NTPCR: variants seen among roughly 807,000 people sequenced by gnomAD.
NTPCR encodes the protein cancer-related nucleoside-triphosphatase.
A neutral mutation model predicts 19.5 loss-of-function variants in NTPCR; 15 were observed. The observed-to-expected ratio is 0.77, with a 90% CI of 0.51 to 1.18. The LOEUF is 1.18. NTPCR is among the 50% of genes most tolerant of loss of function. The probability of loss-of-function intolerance (pLI) is 0.00; values close to 1 mark genes in which losing one functional copy is unlikely to be tolerated. For missense variants in NTPCR, 206 were observed against 240.4 expected (o/e 0.86, Z 0.95); for synonymous variants, 90 against 95.8 (o/e 0.94, Z 0.36).
intron 1 of NTPCR, among the ~76,000 whole-genome samples, chr1:232,953,055 C>T (rs1170838111): frequency 6.6e-6 from 1 of 152,178 alleles, no homozygotes; most frequent in Non-Finnish European, 1.5e-5. Flanking sequence ...ATAACTGAGC[C>T]ACTTGCCCTG....
chr1:232,960,947 T>G (rs1668654825), intron 3 of NTPCR, among the ~76,000 whole-genome samples: 1 of 152,208 alleles, frequency 6.6e-6, no homozygotes, highest in Admixed American at 6.5e-5. Flanking sequence ...TTAGCCAATG[T>G]TAGCTTATTT....
At chr1:232,971,360 ATT>A (rs1272074488) in intron 4 of NTPCR, among the ~76,000 whole-genome samples, 1 of 152,138 alleles carries the variant, frequency 6.6e-6, no homozygotes, top group South Asian at 2.1e-4. Flanking sequence ...CCTCATGATC[ATT>A]TTAATCACTG....
chr1:232,956,280 G>A, intron 2 of NTPCR, 67 bp from the exon 3 acceptor site: 1 of 1,080,604 alleles, frequency 9.3e-7, no homozygotes, highest in Non-Finnish European at 1.4e-6. Flanking sequence ...AGGCTCAGTG[G>A]AGCAGCTAAA....
At chr1:232,968,147 A>G (rs1430750094) in intron 3 of NTPCR, 1 of 152,158 alleles carries the variant, frequency 6.6e-6, no homozygotes, top group Non-Finnish European at 1.5e-5. Context: ...GAGGACAACC[A>G]TGTACCTGCC....
At chr1:232,961,726 TA>T in intron 3 of NTPCR, among the ~76,000 whole-genome samples, 1 of 152,226 alleles carries the variant, frequency 6.6e-6, no homozygotes, top group Non-Finnish European at 1.5e-5. Flanking sequence ...ATGCTTTTTT[TA>T]AACATTTATG....
At chr1:232,958,140 C>T (rs1668564385) in intron 3 of NTPCR, among the ~76,000 whole-genome samples, 1 of 152,184 alleles carries the variant, frequency 6.6e-6, no homozygotes, top group South Asian at 2.1e-4. Context: ...AGACTTACTA[C>T]TTTGATTTGT....
At chr1:232,975,853 A>G (rs1185334465) in intron 4 of NTPCR, among the ~76,000 whole-genome samples, 1 of 152,120 alleles carries the variant, frequency 6.6e-6, no homozygotes, top group Non-Finnish European at 1.5e-5. Flanking sequence ...CCCTCTTCTA[A>G]TTAGCTTCTC....
At chr1:232,976,546 T>G (rs1669129448) in intron 4 of NTPCR, 1 of 1,501,534 alleles carries the variant, frequency 6.7e-7, no homozygotes, top group Admixed American at 2.5e-5. Flanking sequence ...AGGAATGGAC[T>G]TTGGCTAACT....
chr1:232,983,521 G>A lies in NTPCR; in HGVS notation c.*5290G>A, dbSNP rs933707925. ...GTTGCGGGGCTTGGAGAACAAGCAC[G>A]CGTCCCTGTGAAGCCCGCAGGGTGC... On this transcript the variant is annotated 3_prime_UTR_variant, in exon 5 of 5. Transcript: ENST00000366628. 1.3e-5 allele frequency: 2 copies of A among 152,232 alleles called. No individual in the cohort carries two copies. Among genetic ancestry groups the A allele is most frequent in the African/African-American group, 4.8e-5 (2 of 41,458 alleles). The allele number at this position is 152,232 out of a possible 1,614,324, so 9.4% of individuals were successfully genotyped here.
At position 232,978,238 on chromosome 1, in the gene NTPCR, G is replaced by A. The variant is rs776213778; in HGVS notation, c.*7G>A. On this transcript the variant is annotated 3_prime_UTR_variant, in exon 5 of 5. Transcript: ENST00000366628. ...GCAGAGCAGCAGGAAGTGAAGACAC[G>A]TGCATTCCTGCCTTCCGTGAAGGAG... 1.7e-5 allele frequency: 28 copies of A among 1,613,058 alleles called. No individual in the cohort carries two copies. The highest frequency in any genetic ancestry group is 1.1e-4 in the East Asian group (5 of 44,876).
chr1:232,958,086 C>T (rs1287195806), intron 3 of NTPCR, among the ~76,000 whole-genome samples: 1 of 152,180 alleles, frequency 6.6e-6, no homozygotes, highest in Non-Finnish European at 1.5e-5. Flanking sequence ...ATGCAGGGCT[C>T]TGTGGACCAT....
intron 4 of NTPCR, among the ~76,000 whole-genome samples, chr1:232,972,201 G>A (rs1303717526): frequency 1.3e-5 from 2 of 152,098 alleles, no homozygotes; most frequent in Non-Finnish European, 2.9e-5. Flanking sequence ...AATTAGCTTT[G>A]AGTTAATTAA....
At position 232,978,148 on chromosome 1, in the gene NTPCR, C is replaced by G. The variant is rs776410893; in HGVS notation, c.505-15C>G. The G allele has an allele frequency of 6.2e-7, 1 of 1,610,556 alleles. No homozygotes were observed. The highest frequency in any genetic ancestry group is 1.1e-5 in the South Asian group (1 of 90,924). ...AAAGGAGCTCTGAAGCCTGTTCTCT[C>G]ACTTCTTCCCACAGGTCACCAAGGA... On this transcript the variant is annotated splice_polypyrimidine_tract_variant and intron_variant, in intron 4 of 4. Transcript: ENST00000366628.
At chr1:232,953,222 A>C (rs1668421594) in intron 1 of NTPCR, among the ~76,000 whole-genome samples, 1 of 148,100 alleles carries the variant, frequency 6.8e-6, no homozygotes, top group South Asian at 2.1e-4. Context: ...AACTACCTGC[A>C]CTTGAATCTT....
intron 4 of NTPCR, among the ~76,000 whole-genome samples, chr1:232,971,507 GA>G (rs368469964): frequency 3.9e-5 from 6 of 152,178 alleles, no homozygotes; most frequent in African/African-American, 1.2e-4. Flanking sequence ...GCCAGACTTG[GA>G]AAAATGTATG....
intron 3 of NTPCR, among the ~76,000 whole-genome samples, chr1:232,959,705 T>C (rs1333144156): frequency 1.3e-5 from 2 of 152,164 alleles, no homozygotes; most frequent in Admixed American, 6.5e-5. Context: ...GGACACAGTA[T>C]TAGTTCATAG....
intron 3 of NTPCR, among the ~76,000 whole-genome samples, chr1:232,959,885 A>G (rs1019613352): frequency 5.3e-5 from 8 of 152,092 alleles, no homozygotes; most frequent in African/African-American, 7.2e-5. Context: ...TAGGCCAAGC[A>G]GGGCTATGCC....
At chr1:232,976,170 ATATT>A in intron 4 of NTPCR, 1 of 623,410 alleles carries the variant, frequency 1.6e-6, no homozygotes, top group East Asian at 3.4e-5. Context: ...TATAATGTAC[ATATT>A]TATGGGGTAC....
chr1:232,951,009 G>A, intron 1 of NTPCR: 2 of 451,162 alleles, frequency 4.4e-6, no homozygotes, highest in Non-Finnish European at 7.9e-6. Context: ...AAACCGCAGG[G>A]GCCAGCGGCA....
Sources: gnomAD v4.1 joint callset for allele counts (sites outside exome capture counted in the v4.1 genomes callset) on GRCh38, gnomAD v4.1.1 for gene constraint, MANE v1.5 for transcripts, NCBI Gene and HGNC (gene_info 2026-07-23, HGNC 2026-07-21) for gene names.